VRK2: variants seen among roughly 807,000 people sequenced by gnomAD.
VRK2 encodes the protein serine/threonine-protein kinase VRK2.
In VRK2, 60 loss-of-function variants were observed where a neutral mutation model predicts 57.6. That is an observed-to-expected ratio of 1.04 (90% CI 0.85 to 1.29). VRK2 has a LOEUF of 1.29. Ranked by LOEUF, VRK2 falls within the 50% of genes most tolerant of loss-of-function variation. The pLI is 0.00. For synonymous variants in VRK2, 231 were observed against 199.2 expected (o/e 1.16, Z -1.35); for missense variants, 705 against 588.1 (o/e 1.20, Z -2.06).
At position 58,156,395 on chromosome 2, in the gene VRK2, A is replaced by G. The variant is rs536980470; in HGVS notation, c.1183-2954A>G. ...GAGCTGCTTTTATCTGTGGGTTGAT[A>G]TTTGTCTTCAAATTGGAAAGGTTTT... is the stretch of plus-strand genomic sequence containing the variant. On this transcript the variant is annotated intron_variant, in intron 12 of 12. Coordinates refer to ENST00000340157, the MANE Select transcript of VRK2 (RefSeq NM_006296.7). Among the ~76,000 whole-genome samples, 11 of 152,020 alleles carry G rather than the reference A, an allele frequency of 7.2e-5. No homozygotes were observed. The East Asian group carries it at 2.1e-3, about 29-fold the overall frequency.
intron 7 of VRK2, among the ~76,000 whole-genome samples, chr2:58,105,983 C>A (rs1674693285): frequency 1.3e-5 from 2 of 151,832 alleles, no homozygotes; most frequent in South Asian, 2.1e-4. Flanking sequence ...TACAGATATA[C>A]CAAGCTCTGA....
rs918884420 is a variant in VRK2, at chr2:57,924,920, G to C, written c.-439+17081G>C. On this transcript the variant is annotated intron_variant, in intron 1 of 15. Coordinates refer to the VRK2 transcript ENST00000417641. ...TTAGGGTTTTTTTTTAATCATGAAGGGATGTTGAATATTATCAAATGCATT... is the reference window on the plus strand; with the variant it reads ...TTAGGGTTTTTTTTTAATCATGAAGCGATGTTGAATATTATCAAATGCATT... Among the ~76,000 whole-genome samples the C allele has an allele frequency of 4.0e-5, 6 of 151,712 alleles. No individual in the cohort carries two copies. The South Asian group carries it at 1.2e-3, about 32-fold the overall frequency.
Position 58,146,369 on chromosome 2 carries a change from A to G in VRK2, c.1077A>G (p.Leu359=), listed in dbSNP as rs1353230306. Residue 359 remains leucine, a synonymous_variant, in exon 12 of 13, where the codon TTA becomes TTG. Transcript: ENST00000340157. ...TKQVNKAHNR[L]IEKKVHSERS... ...AAGTCAACAAGGCACACAATAGGTT[A>G]ATCGAAAAAAAAGTCCACAGTGAGA... 1.2e-6 allele frequency: 2 copies of G among 1,611,638 alleles called. No homozygotes were observed. The highest frequency in any genetic ancestry group is 2.2e-5 in the South Asian group (2 of 91,014).
At chr2:58,138,108 A>G (rs1222247108) in intron 10 of VRK2, among the ~76,000 whole-genome samples, 1 of 152,096 alleles carries the variant, frequency 6.6e-6, no homozygotes, top group African/African-American at 2.4e-5. Flanking sequence ...AGCACATTCA[A>G]CTCTCTTCCT....
At chr2:57,942,284 T>A (rs1381160137) in intron 1 of VRK2, among the ~76,000 whole-genome samples, 1 of 152,238 alleles carries the variant, frequency 6.6e-6, no homozygotes, top group Admixed American at 6.5e-5. Context: ...GAAATATTCG[T>A]GCCAAATTTT....
intron 1 of VRK2, among the ~76,000 whole-genome samples, chr2:57,922,904 C>A (rs2103910783): frequency 6.6e-6 from 1 of 152,008 alleles, no homozygotes; most frequent in East Asian, 1.9e-4. Context: ...AACCGTAATT[C>A]TATATATATC....
At chr2:58,154,185 CCT>C (rs1553429358) in intron 12 of VRK2, among the ~76,000 whole-genome samples, 2 of 151,754 alleles carry the variant, frequency 1.3e-5, no homozygotes, top group Non-Finnish European at 2.9e-5. Context: ...GTTTTCTTTC[CCT>C]GTTAGTCTTG....
In VRK2 at chr2:57,955,102, TA is replaced by T. The variant is rs1309946989; in HGVS notation, c.-439+47264del. Among the ~76,000 whole-genome samples, 4 of 152,280 alleles carry T rather than the reference TA, an allele frequency of 2.6e-5. No individual in the cohort carries two copies. The East Asian group carries it at 7.7e-4, about 29-fold the overall frequency. ...GAACATCTTATGGCCTAGAATAGGATAGAAGATATGAGGAAAGAAATGAAGA... is the reference window on the plus strand; with the variant it reads ...GAACATCTTATGGCCTAGAATAGGATGAAGATATGAGGAAAGAAATGAAGA... On this transcript the variant is annotated intron_variant, in intron 1 of 15. Transcript: ENST00000417641.
chr2:58,026,461 T>C (rs1673929763), intron 2 of VRK2, among the ~76,000 whole-genome samples: 2 of 152,148 alleles, frequency 1.3e-5, no homozygotes, highest in Admixed American at 1.3e-4. Flanking sequence ...CAATTACTCT[T>C]TCTATGAATA....
chr2:58,103,780 C>G lies in VRK2; in HGVS notation c.543+14057C>G, dbSNP rs536035475. ...GTGTGACCCTTATACCAAAGCTAAACAAGGACAAAACAAAAAAGAAAACGT... is the reference window on the plus strand; with the variant it reads ...GTGTGACCCTTATACCAAAGCTAAAGAAGGACAAAACAAAAAAGAAAACGT... On this transcript the variant is annotated intron_variant, in intron 7 of 12. Coordinates refer to ENST00000340157, the MANE Select transcript of VRK2 (RefSeq NM_006296.7). Among the ~76,000 whole-genome samples, 28 of 151,656 alleles carry G rather than the reference C, an allele frequency of 1.8e-4. No individual in the cohort carries two copies. The South Asian group carries it at 5.6e-3, about 30-fold the overall frequency.
intron 1 of VRK2, among the ~76,000 whole-genome samples, chr2:57,952,021 G>A (rs1262939473): frequency 6.7e-6 from 1 of 150,238 alleles, no homozygotes; most frequent in Non-Finnish European, 1.5e-5. Context: ...AGCCTCCTGA[G>A]TAGCTGAGAT....
rs200412376 is a variant in VRK2, at chr2:58,159,797, T to C, written c.*104T>C. 1 of 1,612,884 alleles carries C rather than the reference T, an allele frequency of 6.2e-7. No homozygotes were observed. The highest frequency in any genetic ancestry group is 2.2e-5 in the East Asian group (1 of 44,818). On this transcript the variant is annotated 3_prime_UTR_variant, in exon 13 of 13. Coordinates refer to ENST00000340157, the MANE Select transcript of VRK2 (RefSeq NM_006296.7). ...TTCCTTCCAGACATTTTTAAGGTAA[T>C]TGGCTTTAAAAAGAGAACATATTTT...
At chr2:58,149,122 T>C (rs910084805) in intron 12 of VRK2, among the ~76,000 whole-genome samples, 4 of 151,756 alleles carry the variant, frequency 2.6e-5, no homozygotes, top group Non-Finnish European at 5.9e-5. Context: ...CTCCAGTGCA[T>C]AAACCTGGTA....
At chr2:57,948,204 C>G (rs1046025681) in intron 1 of VRK2, among the ~76,000 whole-genome samples, 2 of 152,154 alleles carry the variant, frequency 1.3e-5, no homozygotes, top group African/African-American at 4.8e-5. Context: ...CAAATCTCCA[C>G]CACTGAAATA....
Position 58,040,075 on chromosome 2 carries a change from C to T in VRK2, c.-6+6522C>T, listed in dbSNP as rs182919141. Reference sequence around the variant, plus strand: ...TACAGGCACACACTACCACACCTGGCTAATTTTTTTTACTTTTTATTAATA... The same window carrying T: ...TACAGGCACACACTACCACACCTGGTTAATTTTTTTTACTTTTTATTAATA... On this transcript the variant is annotated intron_variant, in intron 3 of 15. Transcript: ENST00000417641. 4.2e-3 allele frequency among the ~76,000 whole-genome samples: 633 copies of T among 152,056 alleles called. 6 individuals carry two copies. Among genetic ancestry groups the T allele is most frequent in the African/African-American group, 0.015 (603 of 41,484 alleles).
In VRK2 at chr2:58,088,467, A is replaced by T. The variant is rs376192126; in HGVS notation, c.450+21A>T. ...GAATGGTAAGAATTACTTATTTCGC[A>T]TGCTCCATTTCCAAATTGTTTACTT... On this transcript the variant is annotated intron_variant, in intron 6 of 12. Transcript: ENST00000340157. The T allele has an allele frequency of 7.9e-6, 12 of 1,521,322 alleles. 1 individual carries two copies. In the South Asian group the frequency reaches 1.4e-4, roughly 17 times the overall value. 94.2% of individuals were successfully genotyped at this position (1,521,322 alleles called of 1,614,324 possible). A position where few individuals can be genotyped will look rare whatever the true frequency, so the allele number is the denominator to read the frequency against.
chr2:58,094,058 G>A (rs1457472830), intron 7 of VRK2, among the ~76,000 whole-genome samples: 3 of 152,126 alleles, frequency 2.0e-5, no homozygotes, highest in Admixed American at 6.5e-5. Flanking sequence ...TGCTGTTTTG[G>A]TTACTGTAGC....
At chr2:58,079,402 T>C (rs1401896671) in intron 2 of VRK2, among the ~76,000 whole-genome samples, 1 of 152,116 alleles carries the variant, frequency 6.6e-6, no homozygotes, top group East Asian at 1.9e-4. Flanking sequence ...TGTTTTAATA[T>C]CTATTAACGA....
At chr2:57,937,193 A>C (rs1670941386) in intron 1 of VRK2, among the ~76,000 whole-genome samples, 1 of 152,212 alleles carries the variant, frequency 6.6e-6, no homozygotes, top group African/African-American at 2.4e-5. Context: ...TTTTAATTAC[A>C]AAGACATAAA....
Sources: gnomAD v4.1 joint callset for allele counts (sites outside exome capture counted in the v4.1 genomes callset) on GRCh38, gnomAD v4.1.1 for gene constraint, MANE v1.5 for transcripts, NCBI Gene and HGNC (gene_info 2026-07-23, HGNC 2026-07-21) for gene names.